Variants in SGPL1 observed in about 807,000 individuals in gnomAD.
The protein encoded by SGPL1 is sphingosine-1-phosphate lyase 1.
Under a neutral mutation model 68.9 loss-of-function variants are expected in SGPL1, and 37 were observed. The observed-to-expected ratio is 0.54, with a 90% CI of 0.41 to 0.71. The LOEUF (loss-of-function observed/expected upper bound fraction) is 0.71. SGPL1 is among the 30% of genes least tolerant of loss of function. SGPL1 has a pLI of 0.00. For synonymous variants in SGPL1, 236 were observed against 248.5 expected (o/e 0.95, Z 0.47); for missense variants, 551 against 704.6 (o/e 0.78, Z 2.47).
At chr10:70,870,929 AG>A in intron 9 of SGPL1, 118 bp from the exon 10 acceptor site, 1 of 738,016 alleles carries the variant, frequency 1.4e-6, no homozygotes, top group South Asian at 1.6e-5. Context: ...GGAGTGGTGA[AG>A]GAGGGGGTAC....
At chr10:70,855,901 G>GT (rs879334714) in intron 5 of SGPL1, among the ~76,000 whole-genome samples, 54 of 151,068 alleles carry the variant, frequency 3.6e-4, no homozygotes, top group African/African-American at 1.2e-3. Flanking sequence ...GTTCATCAGG[G>GT]TTTTTTTTTG....
chr10:70,868,937 T>TA (rs1846242674), intron 8 of SGPL1, among the ~76,000 whole-genome samples: 1 of 152,216 alleles, frequency 6.6e-6, no homozygotes, highest in South Asian at 2.1e-4. Context: ...TCCTTGGACA[T>TA]AAATTTGATG....
chr10:70,868,782 T>C (rs1467595856), intron 8 of SGPL1, among the ~76,000 whole-genome samples: 2 of 152,206 alleles, frequency 1.3e-5, no homozygotes, highest in Non-Finnish European at 2.9e-5. Context: ...AAGAAACCTC[T>C]CTAGGTACTT....
At chr10:70,818,246 G>C (rs1051549364) in intron 2 of SGPL1, among the ~76,000 whole-genome samples, 2 of 152,028 alleles carry the variant, frequency 1.3e-5, no homozygotes, top group Admixed American at 1.3e-4. Context: ...TCAGCCTCCC[G>C]GGTAGCTGGG....
chr10:70,859,994 G>A (rs1411793470), intron 7 of SGPL1, among the ~76,000 whole-genome samples: 2 of 151,952 alleles, frequency 1.3e-5, no homozygotes, highest in African/African-American at 4.8e-5. Context: ...TGTTTTTAGT[G>A]TACTTCTGGT....
intron 2 of SGPL1, among the ~76,000 whole-genome samples, chr10:70,835,034 G>C (rs1196207308): frequency 6.6e-6 from 1 of 152,148 alleles, no homozygotes; most frequent in East Asian, 1.9e-4. Flanking sequence ...CTCCTCTGCA[G>C]ATTCAACCCA....
intron 13 of SGPL1, among the ~76,000 whole-genome samples, 159 bp downstream of exon 13, chr10:70,875,707 T>C (rs979072299): frequency 3.3e-5 from 5 of 152,198 alleles, no homozygotes; most frequent in Non-Finnish European, 5.9e-5. Flanking sequence ...CTGGAATTAT[T>C]AGATACAAAG....
At chr10:70,865,484 T>C (rs1846168383) in intron 7 of SGPL1, among the ~76,000 whole-genome samples, 2 of 152,214 alleles carry the variant, frequency 1.3e-5, no homozygotes, top group South Asian at 2.1e-4. Context: ...ATTTAGACTT[T>C]TATAAAATAA....
intron 4 of SGPL1, among the ~76,000 whole-genome samples, chr10:70,851,459 C>G (rs1845879844): frequency 6.6e-6 from 1 of 151,762 alleles, no homozygotes; most frequent in Non-Finnish European, 1.5e-5. Flanking sequence ...GGGCAGCCCC[C>G]CCCCACCCAC....
intron 12 of SGPL1, 55 bp from the exon 13 acceptor site, chr10:70,875,347 G>C (rs1388342847): frequency 5.3e-6 from 6 of 1,123,308 alleles, no homozygotes; most frequent in Non-Finnish European, 5.4e-6. Flanking sequence ...GTGACCAGGG[G>C]ATTGTATGTG....
intron 2 of SGPL1, among the ~76,000 whole-genome samples, chr10:70,835,465 C>T (rs929283626): frequency 1.3e-5 from 2 of 152,064 alleles, no homozygotes; most frequent in African/African-American, 2.4e-5. Context: ...AGGCCGGGTG[C>T]GGTGGCTCAT....
intron 7 of SGPL1, among the ~76,000 whole-genome samples, chr10:70,867,002 T>A (rs754345544): frequency 6.6e-6 from 1 of 152,218 alleles, no homozygotes; most frequent in African/African-American, 2.4e-5. Context: ...TTACTTCTTA[T>A]CAACAGATGC....
In SGPL1 at chr10:70,878,009, C is replaced by G. The variant is rs567753765; in HGVS notation, c.*674C>G. 1.4e-3 allele frequency: 217 copies of G among 151,968 alleles called. No homozygotes were observed. The highest frequency in any genetic ancestry group is 2.4e-3 in the Non-Finnish European group (163 of 67,994). 9.4% of individuals were successfully genotyped at this position (151,968 alleles called of 1,614,324 possible). On this transcript the variant is annotated 3_prime_UTR_variant, in exon 15 of 15. Coordinates refer to ENST00000373202, the MANE Select transcript of SGPL1 (RefSeq NM_003901.4). ...TTTCAATTTTCTTTTTCAGTAGAGA[C>G]GGGTTCACCGTGTTGGCCAGGCTGG...
chr10:70,865,980 C>T (rs926717958), intron 7 of SGPL1, among the ~76,000 whole-genome samples: 2 of 152,174 alleles, frequency 1.3e-5, no homozygotes, highest in Non-Finnish European at 2.9e-5. Context: ...TTACTGAGGC[C>T]TCCATTTTCT....
intron 8 of SGPL1, chr10:70,869,561 C>T: frequency 2.4e-6 from 1 of 421,012 alleles, no homozygotes; most frequent in Non-Finnish European, 4.3e-6. Context: ...CTTCTGAGTC[C>T]TCTTCCTATT....
intron 2 of SGPL1, among the ~76,000 whole-genome samples, chr10:70,835,836 A>G (rs147614578): frequency 6.6e-6 from 1 of 152,242 alleles, no homozygotes; most frequent in African/African-American, 2.4e-5. Flanking sequence ...TGACTCTATA[A>G]TGAAGCTATA....
At chr10:70,838,631 A>G (rs762105175) in intron 2 of SGPL1, among the ~76,000 whole-genome samples, 2 of 152,246 alleles carry the variant, frequency 1.3e-5, no homozygotes, top group Non-Finnish European at 2.9e-5. Context: ...GTATTACACA[A>G]CCACATTCTA....
intron 3 of SGPL1, among the ~76,000 whole-genome samples, chr10:70,847,318 T>G (rs1219578574): frequency 6.6e-6 from 1 of 152,038 alleles, no homozygotes; most frequent in Non-Finnish European, 1.5e-5. Context: ...CTGCCTAATT[T>G]TTGTATTTTT....
At chr10:70,817,634 C>T (rs918190037) in intron 2 of SGPL1, among the ~76,000 whole-genome samples, 40 of 152,130 alleles carry the variant, frequency 2.6e-4, no homozygotes, top group African/African-American at 8.9e-4. Flanking sequence ...GTTTTAATCC[C>T]TCCCTTCCCG....
Sources: gnomAD v4.1 joint callset for allele counts (sites outside exome capture counted in the v4.1 genomes callset) on GRCh38, gnomAD v4.1.1 for gene constraint, MANE v1.5 for transcripts, NCBI Gene and HGNC (gene_info 2026-07-23, HGNC 2026-07-21) for gene names.